The following CELF2 variants were observed in gnomAD, a reference collection of about 807,000 sequenced individuals.
CELF2 encodes the protein CUGBP Elav-like family member 2.
A neutral mutation model predicts 62.6 loss-of-function variants in CELF2; 8 were observed. The observed-to-expected ratio is 0.13, with a 90% CI of 0.07 to 0.23. The LOEUF is 0.23. Among genes scored for constraint, CELF2 ranks in the 10% least tolerant of loss-of-function variants. The pLI is 1.00. For synonymous variants in CELF2, 258 were observed against 250.0 expected, an observed-to-expected ratio of 1.03 and a Z score of -0.30; for missense variants, 333 against 671.0, an observed-to-expected ratio of 0.50 and a Z score of 5.56.
chr10:10,990,531 A>C lies in CELF2; in HGVS notation c.89+70532A>C, dbSNP rs1592796976. ...GAGAATCATGTTCTATGTCCAAATT[A>C]TCACTAAATCTGAGTTAATGGCATC... On this transcript the variant is annotated intron_variant, in intron 2 of 13. Transcript: ENST00000636488. The surrounding 1 kb of genome is among the most constrained non-coding windows in gnomAD (Gnocchi z 4.6). Among the ~76,000 whole-genome samples the C allele has an allele frequency of 1.3e-5, 2 of 152,326 alleles. No individual in the cohort carries two copies. The highest frequency in any genetic ancestry group is 3.9e-4 in the East Asian group (2 of 5,188).
At chr10:10,893,907 G>A (rs979097463) in intron 1 of CELF2, among the ~76,000 whole-genome samples, 2 of 152,138 alleles carry the variant, frequency 1.3e-5, no homozygotes, top group African/African-American at 4.8e-5. Context: ...CAACACTGGG[G>A]GTTACAATTG....
the CELF2 span, among the ~76,000 whole-genome samples, chr10:10,752,866 A>C: frequency 6.6e-6 from 1 of 151,366 alleles, no homozygotes; most frequent in African/African-American, 2.4e-5. Flanking sequence ...TCTGAGTCTC[A>C]GAATTATTCT....
At chr10:11,120,622 GGA>G (rs771013074) in intron 1 of CELF2, among the ~76,000 whole-genome samples, 24 of 152,226 alleles carry the variant, frequency 1.6e-4, no homozygotes, top group South Asian at 6.2e-4. Flanking sequence ...GAAATCCCAA[GGA>G]GAATCTAGGA....
the CELF2 span, among the ~76,000 whole-genome samples, chr10:10,744,587 C>A: frequency 6.6e-6 from 1 of 152,152 alleles, no homozygotes; most frequent in South Asian, 2.1e-4. Context: ...CTGCCCTATA[C>A]GGCAAATCCC....
the CELF2 span, among the ~76,000 whole-genome samples, chr10:10,616,188 A>T: frequency 6.6e-6 from 1 of 152,080 alleles, no homozygotes; most frequent in African/African-American, 2.4e-5. Context: ...AATGTTCCCT[A>T]GTTCAGTGTT....
At chr10:11,233,077 A>C (rs565314430) in intron 3 of CELF2, among the ~76,000 whole-genome samples, 3 of 152,310 alleles carry the variant, frequency 2.0e-5, no homozygotes, top group South Asian at 4.1e-4. Context: ...ATTTACTGGG[A>C]AAGAAAACCT....
the CELF2 span, among the ~76,000 whole-genome samples, chr10:10,712,089 T>G: frequency 2.1e-5 from 3 of 145,432 alleles, no homozygotes; most frequent in Non-Finnish European, 3.0e-5. Flanking sequence ...CTCAGAAGAT[T>G]TAGCATGTCT....
the CELF2 span, among the ~76,000 whole-genome samples, chr10:10,595,462 C>T: frequency 6.6e-6 from 1 of 152,086 alleles, no homozygotes; most frequent in Non-Finnish European, 1.5e-5. Flanking sequence ...AGGCAGGACT[C>T]GACTCCAGAG....
the CELF2 span, among the ~76,000 whole-genome samples, chr10:10,622,976 C>T: frequency 1.3e-5 from 2 of 151,128 alleles, no homozygotes; most frequent in African/African-American, 4.9e-5. Context: ...CCAGCAGCTA[C>T]TCAGGAGGCT....
In CELF2 at chr10:10,814,120, C is replaced by T. The variant is rs528228283; in HGVS notation, c.53+15303C>T. On this transcript the variant is annotated intron_variant, in intron 1 of 13. Transcript: ENST00000636488. ...AAATATACATTTCAATGACCTGGAG[C>T]CACATCCTTCCATAGCAGGCACTTA... is the stretch of plus-strand genomic sequence containing the variant. Among the ~76,000 whole-genome samples, 8 of 150,214 alleles carry T rather than the reference C, an allele frequency of 5.3e-5. No homozygotes were observed. In the East Asian group the frequency reaches 1.6e-3, roughly 30 times the overall value.
chr10:10,515,834 C>T, the CELF2 span, among the ~76,000 whole-genome samples: 1 of 152,176 alleles, frequency 6.6e-6, no homozygotes, highest in African/African-American at 2.4e-5. Flanking sequence ...TCCTAAGATG[C>T]ACATTATTTT....
intron 1 of CELF2, among the ~76,000 whole-genome samples, chr10:11,048,803 ATTAG>A (rs2063331746): frequency 6.6e-6 from 1 of 152,230 alleles, no homozygotes; most frequent in African/African-American, 2.4e-5. Flanking sequence ...AGGTGTATGA[ATTAG>A]TTGGTTAAAA....
intron 4 of CELF2, among the ~76,000 whole-genome samples, chr10:11,251,129 A>G (rs1339475906): frequency 6.6e-6 from 1 of 152,184 alleles, no homozygotes; most frequent in Non-Finnish European, 1.5e-5. Flanking sequence ...TAGAGTATTC[A>G]GGACAAGGAC....
intron 1 of CELF2, among the ~76,000 whole-genome samples, chr10:11,088,274 T>C (rs1594960786): frequency 6.6e-6 from 1 of 152,196 alleles, no homozygotes; most frequent in East Asian, 1.9e-4. Context: ...GTGAACAGCA[T>C]GAGTGAGGCA....
chr10:11,089,830 A>T (rs1011858567), intron 1 of CELF2, among the ~76,000 whole-genome samples: 5 of 152,170 alleles, frequency 3.3e-5, no homozygotes, highest in African/African-American at 1.2e-4. Context: ...ACCATGGAAT[A>T]CTTCGTTGCC....
chr10:10,899,238 G>A (rs1400780152), intron 1 of CELF2, among the ~76,000 whole-genome samples: 1 of 152,082 alleles, frequency 6.6e-6, no homozygotes, highest in African/African-American at 2.4e-5. Context: ...AGTCAAAGTG[G>A]AACAGAAAAC....
At chr10:10,753,646 A>G in the CELF2 span, among the ~76,000 whole-genome samples, 1 of 152,190 alleles carries the variant, frequency 6.6e-6, no homozygotes, top group Admixed American at 6.5e-5. Context: ...TTCTTATATT[A>G]AAAAATCACA....
the CELF2 span, among the ~76,000 whole-genome samples, chr10:10,626,445 T>C: frequency 6.6e-6 from 1 of 152,172 alleles, no homozygotes; most frequent in African/African-American, 2.4e-5. Context: ...GCATGTAAAT[T>C]TCCTAAACGT....
chr10:10,630,128 C>T, the CELF2 span, among the ~76,000 whole-genome samples: 13 of 152,240 alleles, frequency 8.5e-5, no homozygotes, highest in African/African-American at 3.1e-4. Flanking sequence ...AATGCTTCCT[C>T]TAATGCAATA....
Sources: allele counts gnomAD v4.1 joint callset (sites outside exome capture counted in the v4.1 genomes callset), GRCh38; gene constraint gnomAD v4.1.1; non-coding constraint Gnocchi (gnomAD v3.1); transcripts MANE v1.5; gene names NCBI Gene and HGNC (gene_info 2026-07-23, HGNC 2026-07-21).